Variants in WWC2 observed in about 807,000 individuals in gnomAD.
WWC2 encodes protein WWC2.
WWC2 carries 101 observed loss-of-function variants against 138.5 expected under a neutral mutation model. The observed-to-expected ratio is 0.73, with a 90% CI of 0.62 to 0.86. The LOEUF (loss-of-function observed/expected upper bound fraction) is 0.86. Among genes scored for constraint, WWC2 ranks in the 40% least tolerant of loss-of-function variants. WWC2 has a pLI of 0.00. For missense variants in WWC2, 1,420 were observed against 1,419.4 expected (o/e 1.00, Z -0.01); for synonymous variants, 558 against 538.4 (o/e 1.04, Z -0.50).
At chr4:183,110,534 T>C (rs903518109) in intron 1 of WWC2, among the ~76,000 whole-genome samples, 2 of 150,110 alleles carry the variant, frequency 1.3e-5, no homozygotes, top group Non-Finnish European at 3.0e-5. Context: ...AGCTCAGAAG[T>C]GAGGTAGTCA....
intron 1 of WWC2, among the ~76,000 whole-genome samples, chr4:183,118,525 T>C (rs999119546): frequency 6.6e-6 from 1 of 152,252 alleles, no homozygotes; most frequent in Non-Finnish European, 1.5e-5. Context: ...AGATTATGCA[T>C]GTGAAAAATC....
intron 2 of WWC2, among the ~76,000 whole-genome samples, chr4:183,197,026 G>A (rs149509006): frequency 8.5e-5 from 13 of 152,130 alleles, no homozygotes; most frequent in East Asian, 5.8e-4. Context: ...TGTTTTCATC[G>A]CTGGGCAACT....
chr4:183,161,756 A>G (rs1230828973), intron 1 of WWC2, among the ~76,000 whole-genome samples: 1 of 152,198 alleles, frequency 6.6e-6, no homozygotes, highest in Non-Finnish European at 1.5e-5. Context: ...AGGCCTTTCC[A>G]TATGGCCTAG....
chr4:183,282,766 A>T lies in WWC2; in HGVS notation c.2743A>T (p.Lys915Ter). 1 of 1,581,072 alleles carries T rather than the reference A, an allele frequency of 6.3e-7. No homozygotes were observed. The highest frequency in any genetic ancestry group is 8.6e-7 in the Non-Finnish European group (1 of 1,162,834). Residue 915 changes from lysine (K) to a stop codon, truncating the protein, a stop_gained, in exon 18 of 23, where the codon AAA (lysine) becomes TAA (stop). Coordinates refer to ENST00000403733, the MANE Select transcript of WWC2 (RefSeq NM_024949.6). LOFTEE classifies it high-confidence loss of function. ...TGTGGCTGAAAAAGAGGCTGAAGTT[A>T]AATTGCCAGAGGACAGTAGCTGTAC... ...EIVAEKEAEV[K>*]LPEDSSCTED...
At chr4:183,099,733 TC>T in intron 1 of WWC2, 111 bp downstream of exon 1, 1 of 1,060,426 alleles carries the variant, frequency 9.4e-7, no homozygotes, top group Non-Finnish European at 1.2e-6. Flanking sequence ...CCCCGAGGGG[TC>T]CCGGGAGGGA....
intron 1 of WWC2, among the ~76,000 whole-genome samples, chr4:183,177,271 A>G (rs1466101613): frequency 6.6e-6 from 1 of 152,174 alleles, no homozygotes; most frequent in South Asian, 2.1e-4. Flanking sequence ...CTCGTATTAC[A>G]TTGTCAACTA....
chr4:183,281,481 AAATTTTAGTGAAT>A (rs1738073598), intron 17 of WWC2: 1 of 152,374 alleles, frequency 6.6e-6, no homozygotes, highest in Admixed American at 6.5e-5. Context: ...CTCTTAAAAC[AAATTTTAGTGAAT>A]ATTTCACTTT....
intron 1 of WWC2, among the ~76,000 whole-genome samples, chr4:183,164,295 TATATACA>T (rs1734050597): frequency 3.8e-4 from 4 of 10,416 alleles, no homozygotes; most frequent in African/African-American, 1.5e-3. Context: ...TATATATATA[TATATACA>T]TATATATATT....
chr4:183,113,509 T>TGCGCGC (rs1478298386), intron 1 of WWC2, among the ~76,000 whole-genome samples: 7 of 139,754 alleles, frequency 5.0e-5, no homozygotes, highest in South Asian at 2.2e-4. Context: ...TGTGTGTGTG[T>TGCGCGC]GTGTGTGCGC....
chr4:183,105,889 TAA>T (rs776622580), intron 1 of WWC2, among the ~76,000 whole-genome samples: 38 of 135,034 alleles, frequency 2.8e-4, no homozygotes, highest in South Asian at 4.8e-4. Context: ...GACTCTGTCT[TAA>T]AAAAAAAAAA....
chr4:183,138,758 C>T (rs1733200585), intron 1 of WWC2, among the ~76,000 whole-genome samples: 1 of 152,184 alleles, frequency 6.6e-6, no homozygotes, highest in East Asian at 1.9e-4. Context: ...TATTTTCTCG[C>T]TAGCTCATGG....
At chr4:183,292,355 A>AG (rs1375455749) in intron 21 of WWC2, among the ~76,000 whole-genome samples, 7 of 152,114 alleles carry the variant, frequency 4.6e-5, no homozygotes, top group Non-Finnish European at 1.0e-4. Context: ...GGAAAAAAAA[A>AG]AAAAGTTAGC....
At chr4:183,138,836 G>C (rs1733204216) in intron 1 of WWC2, among the ~76,000 whole-genome samples, 1 of 152,020 alleles carries the variant, frequency 6.6e-6, no homozygotes, top group African/African-American at 2.4e-5. Context: ...CAGGATTGTT[G>C]GTCTGGCATC....
Position 183,316,821 on chromosome 4 carries a change from G to A in WWC2, c.*1092G>A, listed in dbSNP as rs1739455291. The A allele has an allele frequency of 6.6e-6, 1 of 152,170 alleles. No individual in the cohort carries two copies. The highest frequency in any genetic ancestry group is 6.5e-5 in the Admixed American group (1 of 15,278). The allele number at this position is 152,170 out of a possible 1,614,324, so 9.4% of individuals were successfully genotyped here. On this transcript the variant is annotated 3_prime_UTR_variant, in exon 23 of 23. Coordinates refer to ENST00000403733, the MANE Select transcript of WWC2 (RefSeq NM_024949.6). ...TATCTATAATTTATGGTAAATAGTT[G>A]GGAGGCAAAGGGAAGAATGTGTGTG...
intron 15 of WWC2, chr4:183,269,600 A>C (rs1580131633): frequency 4.5e-6 from 2 of 440,102 alleles, no homozygotes; most frequent in East Asian, 1.4e-4. Context: ...AGCTGCTTAG[A>C]GAGGTAATAT....
Position 183,273,389 on chromosome 4 carries a change from C to T in WWC2, c.2562+2148C>T, listed in dbSNP as rs192262469. 3.4e-3 allele frequency among the ~76,000 whole-genome samples: 522 copies of T among 152,314 alleles called. 6 individuals are homozygous for T. Among genetic ancestry groups the T allele is most frequent in the South Asian group, 0.022 (108 of 4,826 alleles). On this transcript the variant is annotated intron_variant, in intron 16 of 22. Coordinates refer to ENST00000403733, the MANE Select transcript of WWC2 (RefSeq NM_024949.6). Reference sequence around the variant, plus strand: ...GCATAATCTCGGCTAACCACAACCTCTCCCTCCCAGGTTCAAGTGATTCTC... The same window carrying T: ...GCATAATCTCGGCTAACCACAACCTTTCCCTCCCAGGTTCAAGTGATTCTC...
chr4:183,258,788 T>C (rs919430852), intron 9 of WWC2, among the ~76,000 whole-genome samples: 2 of 152,170 alleles, frequency 1.3e-5, no homozygotes, highest in African/African-American at 4.8e-5. Flanking sequence ...CCAGGTGCCC[T>C]TTTTCTGAAT....
At chr4:183,314,105 G>T (rs182406270) in intron 22 of WWC2, among the ~76,000 whole-genome samples, 1 of 152,190 alleles carries the variant, frequency 6.6e-6, no homozygotes, top group Non-Finnish European at 1.5e-5. Context: ...GCCACGGACC[G>T]TGTGGCAGCA....
intron 1 of WWC2, among the ~76,000 whole-genome samples, chr4:183,185,324 C>CT (rs1734759619): frequency 2.0e-5 from 3 of 151,972 alleles, no homozygotes; most frequent in African/African-American, 2.4e-5. Flanking sequence ...TTAGCACCAA[C>CT]TTTTTTTTAG....
Sources: gnomAD v4.1 joint callset for allele counts (sites outside exome capture counted in the v4.1 genomes callset) on GRCh38, gnomAD v4.1.1 for gene constraint, MANE v1.5 for transcripts, NCBI Gene and HGNC (gene_info 2026-07-23, HGNC 2026-07-21) for gene names.